SEMA3A: variants seen among roughly 807,000 people sequenced by gnomAD.
SEMA3A encodes the protein semaphorin-3A.
In SEMA3A, 29 loss-of-function variants were observed where a neutral mutation model predicts 97.9. That is an observed-to-expected ratio of 0.30 (90% CI 0.22 to 0.40). SEMA3A has a LOEUF of 0.40. SEMA3A is among the 10% of genes least tolerant of loss of function. The pLI, the probability that SEMA3A is intolerant of heterozygous loss-of-function variation, is 1.00. For synonymous variants in SEMA3A, 321 were observed against 323.7 expected, an observed-to-expected ratio of 0.99 and a Z score of 0.09; for missense variants, 763 against 951.3, an observed-to-expected ratio of 0.80 and a Z score of 2.60.
intron 6 of SEMA3A, among the ~76,000 whole-genome samples, chr7:84,023,892 G>C (rs551425752): frequency 3.8e-4 from 57 of 151,906 alleles, no homozygotes; most frequent in African/African-American, 1.2e-3. Flanking sequence ...GGTACCTGTA[G>C]TCCCAGCTAC....
intron 1 of SEMA3A, among the ~76,000 whole-genome samples, chr7:84,425,473 A>G (rs967027820): frequency 2.1e-5 from 3 of 141,360 alleles, no homozygotes; most frequent in Non-Finnish European, 4.5e-5. Context: ...ATATACATAT[A>G]TTTATATAAA....
intron 4 of SEMA3A, among the ~76,000 whole-genome samples, chr7:84,084,729 T>C (rs3801612): frequency 6.6e-6 from 1 of 151,860 alleles, no homozygotes; most frequent in Non-Finnish European, 1.5e-5. Context: ...CTATGTGACA[T>C]AAAAAGTTCT....
intron 6 of SEMA3A, among the ~76,000 whole-genome samples, chr7:84,030,629 T>A (rs1791707799): frequency 1.3e-5 from 2 of 151,992 alleles, no homozygotes; most frequent in South Asian, 4.1e-4. Context: ...GGAGTCTAGA[T>A]AAGTTTAAGA....
chr7:84,117,544 T>C (rs544446098), intron 3 of SEMA3A, among the ~76,000 whole-genome samples: 1 of 152,334 alleles, frequency 6.6e-6, no homozygotes, highest in South Asian at 2.1e-4. Flanking sequence ...CTCCGCCTTC[T>C]GTCTGATCAG....
At chr7:84,160,176 A>G in intron 1 of SEMA3A, among the ~76,000 whole-genome samples, 1 of 152,106 alleles carries the variant, frequency 6.6e-6, no homozygotes, top group East Asian at 1.9e-4. Context: ...TGGTAATTAA[A>G]TGTTTACTAT....
intron 13 of SEMA3A, among the ~76,000 whole-genome samples, chr7:83,981,809 T>C (rs1242346068): frequency 6.6e-6 from 1 of 152,200 alleles, no homozygotes; most frequent in Non-Finnish European, 1.5e-5. Context: ...CTTTACTGTA[T>C]ATAATACTCA....
chr7:84,299,277 CAT>C (rs201847331), intron 3 of SEMA3A, among the ~76,000 whole-genome samples: 9 of 135,138 alleles, frequency 6.7e-5, no homozygotes, highest in Admixed American at 2.2e-4. Context: ...TATATATCTC[CAT>C]ATATATATCT....
At chr7:84,328,714 T>C (rs2115939145) in intron 2 of SEMA3A, among the ~76,000 whole-genome samples, 1 of 152,154 alleles carries the variant, frequency 6.6e-6, no homozygotes, top group East Asian at 1.9e-4. Context: ...ATTCAACAAA[T>C]ATTTTCTAAG....
At chr7:83,987,946 A>G (rs2116336658) in intron 12 of SEMA3A, among the ~76,000 whole-genome samples, 1 of 152,342 alleles carries the variant, frequency 6.6e-6, no homozygotes, top group Middle Eastern at 3.4e-3. Flanking sequence ...TATTTTCAGA[A>G]GCAGAAATCA....
chr7:84,165,496 A>C (rs1175738558), intron 1 of SEMA3A, among the ~76,000 whole-genome samples: 1 of 152,140 alleles, frequency 6.6e-6, no homozygotes, highest in Non-Finnish European at 1.5e-5. Flanking sequence ...AGTGAAAAAA[A>C]AAATATTACA....
At chr7:84,037,709 C>T (rs922840773) in intron 6 of SEMA3A, among the ~76,000 whole-genome samples, 4 of 151,854 alleles carry the variant, frequency 2.6e-5, no homozygotes, top group Non-Finnish European at 4.4e-5. Context: ...AAAATTACTA[C>T]TAGAAACAAA....
chr7:84,009,891 T>C (rs1790807540), intron 9 of SEMA3A, among the ~76,000 whole-genome samples: 1 of 137,134 alleles, frequency 7.3e-6, no homozygotes, highest in Non-Finnish European at 1.6e-5. Flanking sequence ...TAAGTTTGAG[T>C]TTGACACTGG....
chr7:84,251,584 T>C (rs887502116), intron 3 of SEMA3A, among the ~76,000 whole-genome samples: 3 of 152,338 alleles, frequency 2.0e-5, no homozygotes, highest in South Asian at 2.1e-4. Context: ...AGGCTATTCA[T>C]GGAGTGGGTG....
intron 2 of SEMA3A, among the ~76,000 whole-genome samples, chr7:84,344,141 A>G (rs1802238957): frequency 6.6e-6 from 1 of 152,202 alleles, no homozygotes; most frequent in Non-Finnish European, 1.5e-5. Context: ...TATTCCTGGC[A>G]CTGCAATTTG....
intron 3 of SEMA3A, among the ~76,000 whole-genome samples, chr7:84,254,116 A>G (rs140088508): frequency 6.6e-6 from 1 of 152,316 alleles, no homozygotes; most frequent in Non-Finnish European, 1.5e-5. Flanking sequence ...TCTGAAAGAG[A>G]GAACTGGAAA....
intron 1 of SEMA3A, among the ~76,000 whole-genome samples, chr7:84,421,279 G>A (rs1409136892): frequency 6.6e-6 from 1 of 151,922 alleles, no homozygotes; most frequent in African/African-American, 2.4e-5. Context: ...TCCAGCAAAA[G>A]TATCCTTCAA....
intron 3 of SEMA3A, among the ~76,000 whole-genome samples, chr7:84,208,267 A>G (rs1384099544): frequency 6.6e-6 from 1 of 152,100 alleles, no homozygotes; most frequent in Non-Finnish European, 1.5e-5. Context: ...CCTGGCTAAC[A>G]TGGTGAAACC....
intron 3 of SEMA3A, among the ~76,000 whole-genome samples, chr7:84,218,132 T>C (rs1798792365): frequency 6.6e-6 from 1 of 152,158 alleles, no homozygotes; most frequent in Non-Finnish European, 1.5e-5. Context: ...ATTTGTATAG[T>C]AGAATTTCAG....
At chr7:84,402,387 C>A (rs1370247088) in intron 1 of SEMA3A, among the ~76,000 whole-genome samples, 1 of 152,128 alleles carries the variant, frequency 6.6e-6, no homozygotes, top group Non-Finnish European at 1.5e-5. Context: ...CACTTGTACA[C>A]TGTTGGTGAG....
Sources: gnomAD v4.1 joint callset for allele counts (sites outside exome capture counted in the v4.1 genomes callset) on GRCh38, gnomAD v4.1.1 for gene constraint, MANE v1.5 for transcripts, NCBI Gene and HGNC (gene_info 2026-07-23, HGNC 2026-07-21) for gene names.